GNAQ: variants seen among roughly 807,000 people sequenced by gnomAD.
GNAQ encodes the protein G protein subunit alpha q, also known as guanine nucleotide-binding protein G(q) subunit alpha.
A neutral mutation model predicts 43.9 loss-of-function variants in GNAQ; 8 were observed. The observed-to-expected ratio is 0.18, with a 90% CI of 0.11 to 0.33. The LOEUF (loss-of-function observed/expected upper bound fraction) is 0.33. Ranked by LOEUF, GNAQ falls within the 10% of genes least tolerant of loss-of-function variation. The pLI, the probability that GNAQ is intolerant of heterozygous loss-of-function variation, is 1.00. For missense variants in GNAQ, 158 were observed against 450.8 expected, an observed-to-expected ratio of 0.35 and a Z score of 5.88; for synonymous variants, 155 against 170.7, an observed-to-expected ratio of 0.91 and a Z score of 0.71.
At chr9:77,918,850 A>G (rs184740464) in intron 2 of GNAQ, among the ~76,000 whole-genome samples, 37 of 152,318 alleles carry the variant, frequency 2.4e-4, no homozygotes, top group Non-Finnish European at 3.8e-4. Flanking sequence ...TTCAAGAGTT[A>G]TTTGTTGATT....
intron 2 of GNAQ, among the ~76,000 whole-genome samples, chr9:77,818,950 T>C (rs1001156743): frequency 2.4e-5 from 3 of 127,562 alleles, no homozygotes; most frequent in Admixed American, 2.0e-4. Context: ...CAGTGAGCTA[T>C]GATAGCACCA....
In GNAQ at chr9:78,013,017, G is replaced by A. The variant is rs1311311058; in HGVS notation, c.136+18083C>T. ...ACAAAAGACAGTGAAGAAAGGGGGC[G>A]TAAGTGGAAAGAAGAGTAAACTACT... On this transcript the variant is annotated intron_variant, in intron 1 of 6. Transcript: ENST00000286548. Among the ~76,000 whole-genome samples, 8 of 152,282 alleles carry A rather than the reference G, an allele frequency of 5.3e-5. No homozygotes were observed. In the East Asian group the frequency reaches 7.7e-4, roughly 15 times the overall value.
chr9:77,823,816 G>A lies in GNAQ; in HGVS notation c.322-8046C>T, dbSNP rs530045856. ...CATGAGGCCCTTCCCCCAACAAGTG[G>A]GGATTACAATTTAAGATGAGGTTTG... is the stretch of plus-strand genomic sequence containing the variant. On this transcript the variant is annotated intron_variant, in intron 2 of 6. Transcript: ENST00000286548. Among the ~76,000 whole-genome samples, 186 of 152,142 alleles carry A rather than the reference G, an allele frequency of 1.2e-3. 1 individual carries two copies. The highest frequency in any genetic ancestry group is 2.2e-3 in the Non-Finnish European group (149 of 68,022).
intron 2 of GNAQ, among the ~76,000 whole-genome samples, chr9:77,883,312 C>T (rs4745672): frequency 0.34 from 50,951 of 151,968 alleles, 10,525 homozygotes; most frequent in Non-Finnish European, 0.46. Context: ...CAGATGGTTA[C>T]AGCAGCATCA....
intron 1 of GNAQ, among the ~76,000 whole-genome samples, chr9:77,982,814 G>A (rs945648497): frequency 6.6e-6 from 1 of 151,346 alleles, no homozygotes; most frequent in Non-Finnish European, 1.5e-5. Flanking sequence ...GGAGAGGGGG[G>A]AGGGATAGTA....
intron 2 of GNAQ, among the ~76,000 whole-genome samples, chr9:77,905,027 T>TAA (rs1353350936): frequency 1.3e-5 from 2 of 152,196 alleles, no homozygotes; most frequent in African/African-American, 2.4e-5. Flanking sequence ...AATGACTTTT[T>TAA]GTGATAAAAA....
At chr9:77,906,296 A>G (rs770282881) in intron 2 of GNAQ, among the ~76,000 whole-genome samples, 6 of 152,222 alleles carry the variant, frequency 3.9e-5, no homozygotes, top group Non-Finnish European at 7.3e-5. Context: ...AATGTAGATT[A>G]AAGTATCACT....
At chr9:77,761,904 G>A (rs1357277606) in intron 5 of GNAQ, among the ~76,000 whole-genome samples, 1 of 120,748 alleles carries the variant, frequency 8.3e-6, no homozygotes, top group Non-Finnish European at 1.8e-5. Flanking sequence ...GAGGTGGGGG[G>A]TCAGCCCCCC....
chr9:77,849,141 G>A (rs896452655), intron 2 of GNAQ, among the ~76,000 whole-genome samples: 8 of 152,088 alleles, frequency 5.3e-5, no homozygotes, highest in African/African-American at 1.9e-4. Context: ...TCACAGGACA[G>A]CACCCCCTGC....
At chr9:78,030,875 G>A (rs1016548880) in intron 1 of GNAQ, among the ~76,000 whole-genome samples, 1 of 145,030 alleles carries the variant, frequency 6.9e-6, no homozygotes, top group African/African-American at 2.6e-5. Context: ...CCTGTGCTGC[G>A]TGTGTGTGTC....
chr9:77,836,991 AT>A (rs1476263583), intron 2 of GNAQ, among the ~76,000 whole-genome samples: 5 of 152,184 alleles, frequency 3.3e-5, no homozygotes, highest in African/African-American at 1.2e-4. Flanking sequence ...TAACTTCAAA[AT>A]TATGATGTTC....
intron 3 of GNAQ, 125 bp from the exon 4 acceptor site, chr9:77,797,773 G>T: frequency 1.3e-6 from 1 of 773,462 alleles, no homozygotes; most frequent in Non-Finnish European, 2.1e-6. Flanking sequence ...ATATCAGAAA[G>T]TGGTAGAGGA....
intron 2 of GNAQ, among the ~76,000 whole-genome samples, chr9:77,873,253 C>A (rs990330309): frequency 3.3e-5 from 5 of 152,152 alleles, no homozygotes; most frequent in Admixed American, 3.3e-4. Context: ...ACAGCCAATA[C>A]CTACTAGGTG....
chr9:77,929,107 G>T (rs1297925129), intron 1 of GNAQ, among the ~76,000 whole-genome samples: 2 of 152,192 alleles, frequency 1.3e-5, no homozygotes, highest in African/African-American at 2.4e-5. Flanking sequence ...ATAATTTGGA[G>T]AACAGGAAGT....
At chr9:77,790,789 T>G (rs1587917926) in intron 5 of GNAQ, among the ~76,000 whole-genome samples, 1 of 152,214 alleles carries the variant, frequency 6.6e-6, no homozygotes, top group South Asian at 2.1e-4. Flanking sequence ...TTCAGTGACC[T>G]TGGCCACAGG....
chr9:77,862,132 G>A (rs1475143082), intron 2 of GNAQ, among the ~76,000 whole-genome samples: 1 of 151,742 alleles, frequency 6.6e-6, no homozygotes, highest in Non-Finnish European at 1.5e-5. Flanking sequence ...TGCGTTGAGT[G>A]TCTGCAGCTT....
chr9:77,792,678 C>T (rs955675982), intron 5 of GNAQ, among the ~76,000 whole-genome samples: 1 of 151,926 alleles, frequency 6.6e-6, no homozygotes, highest in African/African-American at 2.4e-5. Flanking sequence ...ATGACATATA[C>T]TTCTTCATAT....
chr9:77,926,705 C>T (rs1829077523), intron 1 of GNAQ, among the ~76,000 whole-genome samples: 1 of 152,034 alleles, frequency 6.6e-6, no homozygotes, highest in Non-Finnish European at 1.5e-5. Flanking sequence ...CAGAAAAAAC[C>T]CTGCTCTTTC....
chr9:78,008,624 T>TTTCATTTC (rs1564177037), intron 1 of GNAQ, among the ~76,000 whole-genome samples: 4 of 134,076 alleles, frequency 3.0e-5, no homozygotes, highest in African/African-American at 8.8e-5. Context: ...CATTTCATTT[T>TTTCATTTC]ATTTTATTTT....
Sources: allele counts gnomAD v4.1 joint callset (sites outside exome capture counted in the v4.1 genomes callset), GRCh38; gene constraint gnomAD v4.1.1; transcripts MANE v1.5; gene names NCBI Gene and HGNC (gene_info 2026-07-23, HGNC 2026-07-21).